Variants in NEURL3 observed in about 807,000 individuals in gnomAD.
The protein encoded by NEURL3 is E3 ubiquitin-protein ligase NEURL3.
NEURL3 carries 19 observed loss-of-function variants against 17.6 expected under a neutral mutation model. The observed-to-expected ratio is 1.08, with a 90% CI of 0.75 to 1.58. NEURL3 has a LOEUF of 1.58. NEURL3 is among the 40% of genes most tolerant of loss of function. NEURL3 has a pLI of 0.00. For synonymous variants in NEURL3, 180 were observed against 161.4 expected (o/e 1.11, Z -0.87); for missense variants, 342 against 379.6 (o/e 0.90, Z 0.82).
At chr2:96,499,140 G>A in intron 3 of NEURL3, 2 of 1,281,758 alleles carry the variant, frequency 1.6e-6, no homozygotes, top group Non-Finnish European at 2.0e-6. Context: ...ATTTTTTAAA[G>A]CAAGAACAAA....
At chr2:96,504,233 A>T (rs546496997) in intron 1 of NEURL3, among the ~76,000 whole-genome samples, 1 of 151,992 alleles carries the variant, frequency 6.6e-6, no homozygotes, top group South Asian at 2.1e-4. Flanking sequence ...TCAGGGTGTC[A>T]GGCACCCATA....
intron 2 of NEURL3, chr2:96,500,192 T>G: frequency 1.8e-6 from 1 of 557,030 alleles, no homozygotes; most frequent in Non-Finnish European, 3.2e-6. Context: ...CTAACAGGTG[T>G]TTGAGTAACA....
At chr2:96,502,745 G>T (rs2065522166) in intron 1 of NEURL3, among the ~76,000 whole-genome samples, 1 of 152,232 alleles carries the variant, frequency 6.6e-6, no homozygotes, top group Admixed American at 6.5e-5. Context: ...CCTGGACGAG[G>T]GGCGGTGCCG....
Position 96,500,621 on chromosome 2 carries a change from A to G in NEURL3, c.332T>C (p.Val111Ala). The G allele has an allele frequency of 6.6e-7, 1 of 1,518,282 alleles. No homozygotes were observed. The highest frequency in any genetic ancestry group is 8.8e-7 in the Non-Finnish European group (1 of 1,139,870). 94.1% of individuals were successfully genotyped at this position (1,518,282 alleles called of 1,614,324 possible). ...AGTGAGCGCGCAGCCCTCAGGCAGCACGGCCGCCCACGTCGGGCTCTGCTC... is the reference window on the plus strand; with the variant it reads ...AGTGAGCGCGCAGCCCTCAGGCAGCGCGGCCGCCCACGTCGGGCTCTGCTC... ...LEEQSPTWAA[V>A]LPEGCALTGD... Residue 111 changes from valine (V) to alanine (A), a missense_variant, in exon 2 of 4, where the codon GTG becomes GCG. Transcript: ENST00000451794.
At position 96,500,746 on chromosome 2, in the gene NEURL3, C is replaced by A. The variant is rs937697692; in HGVS notation, c.207G>T (p.Glu69Asp). Reference sequence around the variant, plus strand: ...CGCGGAGGCCGCCGCACCAGCCGCTCTCCTCCCGCAGCACTCGCAGCGCCA... The same window carrying A: ...CGCGGAGGCCGCCGCACCAGCCGCTATCCTCCCGCAGCACTCGCAGCGCCA... ...ERVALRVLRE[E>D]SGWCGGLRVG... The change falls in exon 2 of 4, where the codon GAG becomes GAT. Residue 69 changes from glutamate to aspartate, a missense_variant. Coordinates refer to ENST00000451794, the MANE Select transcript of NEURL3 (RefSeq NM_001285485.2). 1.4e-5 allele frequency: 22 copies of A among 1,521,512 alleles called. No individual in the cohort carries two copies. The highest frequency in any genetic ancestry group is 1.9e-5 in the Non-Finnish European group (22 of 1,140,486). 94.3% of individuals were successfully genotyped at this position (1,521,512 alleles called of 1,614,324 possible). A position where few individuals can be genotyped will look rare whatever the true frequency, so the allele number is the denominator to read the frequency against.
chr2:96,506,230 C>T (rs2065559702), upstream of NEURL3, among the ~76,000 whole-genome samples: 1 of 151,822 alleles, frequency 6.6e-6, no homozygotes, highest in Non-Finnish European at 1.5e-5. Flanking sequence ...TTTTTTGAGA[C>T]AGGGTCTCAC....
chr2:96,499,473 G>T (rs774210783), intron 2 of NEURL3, 24 bp from the exon 3 acceptor site: 1 of 1,597,362 alleles, frequency 6.3e-7, no homozygotes, highest in Admixed American at 1.7e-5. Context: ...AGAAACTCAG[G>T]TCCAGGACGG....
intron 1 of NEURL3, among the ~76,000 whole-genome samples, chr2:96,504,886 A>AAAAAAAAAAAAAAAAAAG (rs1430248554): frequency 6.7e-6 from 1 of 148,504 alleles, no homozygotes; most frequent in African/African-American, 2.5e-5. Flanking sequence ...TCAAAAAAAA[A>AAAAAAAAAAAAAAAAAAG]AAAAAAAAAA....
intron 1 of NEURL3, among the ~76,000 whole-genome samples, chr2:96,503,596 G>A (rs927312362): frequency 6.6e-6 from 1 of 152,146 alleles, no homozygotes; most frequent in Non-Finnish European, 1.5e-5. Context: ...GAGTGGGGCC[G>A]AAACCCACCC....
upstream of NEURL3, chr2:96,507,742 G>C (rs1297201426): frequency 6.6e-6 from 1 of 152,352 alleles, no homozygotes; most frequent in Non-Finnish European, 1.5e-5. Flanking sequence ...GATTACAGGC[G>C]TGAGCCACCG....
intron 1 of NEURL3, among the ~76,000 whole-genome samples, chr2:96,502,665 C>T (rs902072147): frequency 7.9e-5 from 12 of 152,260 alleles, no homozygotes; most frequent in Non-Finnish European, 1.6e-4. Context: ...GGCTGGGTCA[C>T]TGCCCATCCC....
chr2:96,505,805 G>A (rs747936142), upstream of NEURL3, among the ~76,000 whole-genome samples: 4 of 152,200 alleles, frequency 2.6e-5, no homozygotes, highest in Non-Finnish European at 5.9e-5. Context: ...GAAGCAGATT[G>A]AATTGCATTT....
chr2:96,504,077 T>C (rs1034612599), intron 1 of NEURL3, among the ~76,000 whole-genome samples: 3 of 152,192 alleles, frequency 2.0e-5, no homozygotes, highest in African/African-American at 7.2e-5. Flanking sequence ...AAGCAGGGCC[T>C]CTGGGGTGTC....
upstream of NEURL3, among the ~76,000 whole-genome samples, chr2:96,506,512 C>T (rs1479120439): frequency 1.3e-5 from 2 of 152,212 alleles, no homozygotes; most frequent in African/African-American, 4.8e-5. Flanking sequence ...CCAAGTGGAC[C>T]CCACTTTCGG....
In NEURL3 at chr2:96,500,910, G is replaced by C; in HGVS notation, c.43C>G (p.Arg15Gly). Residue 15 changes from arginine (R) to glycine (G), a missense_variant, in exon 2 of 4, where the codon CGA (arginine) becomes GGA (glycine). Coordinates refer to ENST00000451794, the MANE Select transcript of NEURL3 (RefSeq NM_001285485.2). ...TCGGCATGGAAGCGAAGTGCCTCTCGGGGCGCCTTGGCGTCTGTGGGTTGA... is the reference window on the plus strand; with the variant it reads ...TCGGCATGGAAGCGAAGTGCCTCTCCGGGCGCCTTGGCGTCTGTGGGTTGA... ...LCFEANAKAPREALRFHAEAK... is the reference protein window; with the variant it reads ...LCFEANAKAPGEALRFHAEAK... 1.3e-6 allele frequency: 2 copies of C among 1,564,520 alleles called. No homozygotes were observed. Among genetic ancestry groups the C allele is most frequent in the Non-Finnish European group, 1.7e-6 (2 of 1,164,702 alleles).
chr2:96,506,349 G>A (rs547565489), upstream of NEURL3, among the ~76,000 whole-genome samples: 1 of 152,282 alleles, frequency 6.6e-6, no homozygotes, highest in Admixed American at 6.5e-5. Context: ...GGGACCACAG[G>A]TGCATTCCAC....
chr2:96,498,498 C>A lies in NEURL3; in HGVS notation c.587-52G>T. 6.7e-7 allele frequency: 1 copy of A among 1,483,882 alleles called. No individual in the cohort carries two copies. The highest frequency in any genetic ancestry group is 1.4e-5 in the African/African-American group (1 of 72,370). The allele number at this position is 1,483,882 out of a possible 1,614,324, so 91.9% of individuals were successfully genotyped here. On this transcript the variant is annotated intron_variant, in intron 3 of 3. Transcript: ENST00000451794. The surrounding 1 kb of genome is among the most constrained non-coding windows in gnomAD (Gnocchi z 4.4). The stretch of plus-strand genomic sequence containing the variant: ...GGCACATGGGGGAAGGGGTGGGCAA[C>A]CCGCTCACAATGTGACCACAGAGAA...
At position 96,498,562 on chromosome 2, in the gene NEURL3, C is replaced by T; in HGVS notation, c.587-116G>A. 1.0e-6 allele frequency: 1 copy of T among 970,210 alleles called. No homozygotes were observed. Among genetic ancestry groups the T allele is most frequent in the South Asian group, 1.7e-5 (1 of 57,408 alleles). 60.1% of individuals were successfully genotyped at this position (970,210 alleles called of 1,614,324 possible). The stretch of plus-strand genomic sequence containing the variant: ...TGTAGCTATATTTTGAAGAATGTTA[C>T]CTAGTGAGGAAATGCTTACAGTGTA... On this transcript the variant is annotated intron_variant, in intron 3 of 3. Coordinates refer to ENST00000451794, the MANE Select transcript of NEURL3 (RefSeq NM_001285485.2). The surrounding 1 kb of genome is among the most constrained non-coding windows in gnomAD (Gnocchi z 4.4).
In NEURL3 at chr2:96,500,452, G is replaced by A; in HGVS notation, c.501C>T (p.Ala167=). 1 of 1,597,290 alleles carries A rather than the reference G, an allele frequency of 6.3e-7. No homozygotes were observed. The highest frequency in any genetic ancestry group is 2.2e-5 in the East Asian group (1 of 44,812). ...AVMDVYGTTK[A]IELLDPTASR... ...TGGTCGCCTCACCCAGCAGCTCGAT[G>A]GCCTTAGTGGTCCCATACACGTCCA... Residue 167 remains alanine (A), a synonymous_variant, in exon 2 of 4, where the codon GCC becomes GCT. Transcript: ENST00000451794.
Sources: allele counts gnomAD v4.1 joint callset (sites outside exome capture counted in the v4.1 genomes callset), GRCh38; gene constraint gnomAD v4.1.1; non-coding constraint Gnocchi (gnomAD v3.1); transcripts MANE v1.5; gene names NCBI Gene and HGNC (gene_info 2026-07-23, HGNC 2026-07-21).